The following EXOC4 variants were observed in gnomAD, a reference collection of about 807,000 sequenced individuals.
EXOC4 encodes exocyst complex component 4.
Under a neutral mutation model 107.2 loss-of-function variants are expected in EXOC4, and 71 were observed. The observed-to-expected ratio is 0.66, with a 90% CI of 0.55 to 0.81. The LOEUF is 0.81. EXOC4 is among the 30% of genes least tolerant of loss of function. EXOC4 has a pLI of 0.00. For missense variants in EXOC4, 1,108 were observed against 1,189.6 expected (o/e 0.93, Z 1.01); for synonymous variants, 456 against 441.2 (o/e 1.03, Z -0.42).
At chr7:133,520,328 G>A (rs952637154) in intron 9 of EXOC4, among the ~76,000 whole-genome samples, 3 of 152,074 alleles carry the variant, frequency 2.0e-5, no homozygotes, top group Non-Finnish European at 4.4e-5. Flanking sequence ...GTGTGTGTGT[G>A]TACCTTTTAG....
intron 10 of EXOC4, among the ~76,000 whole-genome samples, chr7:133,681,492 G>A (rs192754124): frequency 1.3e-5 from 2 of 152,116 alleles, no homozygotes; most frequent in Admixed American, 6.6e-5. Context: ...AATAAGTAGC[G>A]AAGCAAAGCA....
chr7:133,321,983 A>C (rs959906479), intron 5 of EXOC4, among the ~76,000 whole-genome samples: 1 of 152,146 alleles, frequency 6.6e-6, no homozygotes, highest in Admixed American at 6.6e-5. Context: ...AGTGATGATG[A>C]GCATTTTCAT....
At chr7:133,890,697 T>A (rs1799187735) in intron 11 of EXOC4, among the ~76,000 whole-genome samples, 1 of 29,554 alleles carries the variant, frequency 3.4e-5, no homozygotes, top group Non-Finnish European at 5.5e-5. Context: ...TCCCCATTGC[T>A]TGTTTTTCTC....
chr7:133,729,485 C>G (rs762355646), intron 10 of EXOC4, among the ~76,000 whole-genome samples: 5 of 152,062 alleles, frequency 3.3e-5, no homozygotes, highest in Non-Finnish European at 7.4e-5. Context: ...ATAAAAGATA[C>G]TGCCAGGTAA....
In EXOC4 at chr7:134,008,244, A is replaced by G. The variant is rs144558275; in HGVS notation, c.2687+409A>G. Among the ~76,000 whole-genome samples the G allele has an allele frequency of 4.2e-3, 634 of 152,314 alleles. 3 individuals are homozygous for G. The highest frequency in any genetic ancestry group is 0.014 in the African/African-American group (589 of 41,572). ...GTGTTGTTTATGTGACTTTTCACACATATTCAAGCATGTGATTGCCCTTTT... is the reference window on the plus strand; with the variant it reads ...GTGTTGTTTATGTGACTTTTCACACGTATTCAAGCATGTGATTGCCCTTTT... On this transcript the variant is annotated intron_variant, in intron 17 of 17. Coordinates refer to ENST00000253861, the MANE Select transcript of EXOC4 (RefSeq NM_021807.4).
chr7:133,636,236 T>TA (rs1563135055), intron 10 of EXOC4, among the ~76,000 whole-genome samples: 1 of 152,170 alleles, frequency 6.6e-6, no homozygotes, highest in African/African-American at 2.4e-5. Flanking sequence ...CTCATTTCTT[T>TA]CAGAAATTTA....
chr7:133,342,926 A>T (rs1302039314), intron 5 of EXOC4, among the ~76,000 whole-genome samples: 1 of 152,034 alleles, frequency 6.6e-6, no homozygotes, highest in Non-Finnish European at 1.5e-5. Context: ...TTCCATCCAT[A>T]GCTTGTATTA....
chr7:133,848,542 G>A (rs1226718978), intron 11 of EXOC4, among the ~76,000 whole-genome samples: 1 of 152,210 alleles, frequency 6.6e-6, no homozygotes, highest in Non-Finnish European at 1.5e-5. Context: ...GGTATATTCT[G>A]TATAACACAG....
intron 9 of EXOC4, among the ~76,000 whole-genome samples, chr7:133,626,452 C>A (rs1246400454): frequency 6.6e-6 from 1 of 152,110 alleles, no homozygotes; most frequent in Admixed American, 6.5e-5. Context: ...CATTTGACTT[C>A]TCATCTTCAA....
intron 10 of EXOC4, among the ~76,000 whole-genome samples, chr7:133,676,043 G>A (rs1717199057): frequency 6.6e-6 from 1 of 152,032 alleles, no homozygotes; most frequent in South Asian, 2.1e-4. Context: ...AGAGGAACAT[G>A]AGACAGTCAG....
intron 11 of EXOC4, among the ~76,000 whole-genome samples, chr7:133,819,906 G>A (rs925967770): frequency 6.6e-6 from 1 of 152,046 alleles, no homozygotes; most frequent in South Asian, 2.1e-4. Flanking sequence ...CCAACAAAAT[G>A]ACATATCTGG....
At chr7:133,387,139 T>A (rs1796746365) in intron 7 of EXOC4, among the ~76,000 whole-genome samples, 1 of 152,188 alleles carries the variant, frequency 6.6e-6, no homozygotes, top group South Asian at 2.1e-4. Flanking sequence ...CTGATTCTAA[T>A]GCACACTCCT....
At chr7:133,333,899 C>G (rs1298427682) in intron 5 of EXOC4, among the ~76,000 whole-genome samples, 1 of 152,138 alleles carries the variant, frequency 6.6e-6, no homozygotes. Flanking sequence ...AAACAATTCA[C>G]GGCAGTGAAA....
chr7:133,821,689 G>T (rs1433456202), intron 11 of EXOC4, among the ~76,000 whole-genome samples: 1 of 152,016 alleles, frequency 6.6e-6, no homozygotes, highest in South Asian at 2.1e-4. Context: ...TTACTTTTCG[G>T]TACTGCCTCA....
At chr7:133,413,609 A>T (rs554728697) in intron 7 of EXOC4, among the ~76,000 whole-genome samples, 1 of 152,272 alleles carries the variant, frequency 6.6e-6, no homozygotes, top group East Asian at 1.9e-4. Flanking sequence ...TATAAACCTC[A>T]GATTCCTTTT....
intron 3 of EXOC4, among the ~76,000 whole-genome samples, chr7:133,289,449 T>A (rs1004457999): frequency 7.9e-5 from 12 of 152,236 alleles, no homozygotes; most frequent in African/African-American, 2.7e-4. Flanking sequence ...GAAATCTACA[T>A]GAGACAGAAC....
intron 7 of EXOC4, among the ~76,000 whole-genome samples, chr7:133,430,441 CTATCTAA>C (rs1365730411): frequency 2.6e-5 from 4 of 152,186 alleles, no homozygotes; most frequent in African/African-American, 7.2e-5. Flanking sequence ...CTGCCCTCTT[CTATCTAA>C]TATTTCCCTG....
At chr7:133,721,865 G>A (rs2151107195) in intron 10 of EXOC4, among the ~76,000 whole-genome samples, 1 of 152,244 alleles carries the variant, frequency 6.6e-6, no homozygotes, top group African/African-American at 2.4e-5. Context: ...TTTTTGTGGG[G>A]AGTAATAAAA....
At chr7:134,033,713 A>G (rs1031318756) in intron 17 of EXOC4, among the ~76,000 whole-genome samples, 1 of 152,192 alleles carries the variant, frequency 6.6e-6, no homozygotes, top group Non-Finnish European at 1.5e-5. Flanking sequence ...TCAGTGAATG[A>G]AGAAATAGCC....
Sources: allele counts gnomAD v4.1 joint callset (sites outside exome capture counted in the v4.1 genomes callset), GRCh38; gene constraint gnomAD v4.1.1; transcripts MANE v1.5; gene names NCBI Gene and HGNC (gene_info 2026-07-23, HGNC 2026-07-21).